Variants in SGO2 observed in about 807,000 individuals in gnomAD.
The protein encoded by SGO2 is shugoshin 2, also known as shugoshin-like 2.
Under a neutral mutation model 99.5 loss-of-function variants are expected in SGO2, and 68 were observed. The observed-to-expected ratio is 0.68, with a 90% CI of 0.56 to 0.84. The LOEUF is 0.84. Ranked by LOEUF, SGO2 falls within the 40% of genes least tolerant of loss-of-function variation. The pLI, the probability that SGO2 is intolerant of heterozygous loss-of-function variation, is 0.00. For missense variants in SGO2, 1,350 were observed against 1,436.7 expected (o/e 0.94, Z 0.97); for synonymous variants, 457 against 487.1 (o/e 0.94, Z 0.81).
chr2:200,576,833 T>C (rs553892119), intron 8 of SGO2, among the ~76,000 whole-genome samples: 9 of 152,314 alleles, frequency 5.9e-5, no homozygotes, highest in African/African-American at 2.2e-4. Flanking sequence ...TCACCCAGCA[T>C]GTTTTAAAGT....
In SGO2 at chr2:200,532,281, T is replaced by TG. The variant is rs1256428662; in HGVS notation, c.-2-693_-2-692insG. The TG allele has an allele frequency of 3.7e-5, 15 of 410,526 alleles. No individual in the cohort carries two copies. The African/African-American group carries it at 3.7e-4, about 10-fold the overall frequency. 25.4% of individuals were successfully genotyped at this position (410,526 alleles called of 1,614,324 possible). A position where few individuals can be genotyped will look rare whatever the true frequency, so the allele number is the denominator to read the frequency against. On this transcript the variant is annotated intron_variant, in intron 1 of 8. Transcript: ENST00000357799. ...GGTGACAGAGTTTTTTGTTTTTTTT[T>TG]TTGTTTTTTTTTTTTTTTCAGATCT...
At chr2:200,558,546 T>A (rs1246953976) in intron 5 of SGO2, among the ~76,000 whole-genome samples, 2 of 152,096 alleles carry the variant, frequency 1.3e-5, no homozygotes, top group Non-Finnish European at 2.9e-5. Context: ...AAAATTGTAA[T>A]TGCTAATTTT....
chr2:200,581,844 C>T (rs1490919221), intron 8 of SGO2, among the ~76,000 whole-genome samples: 6 of 152,170 alleles, frequency 3.9e-5, no homozygotes, highest in Non-Finnish European at 8.8e-5. Flanking sequence ...TTCCTTACAG[C>T]ATTTTGCTGT....
chr2:200,575,465 A>C lies in SGO2; in HGVS notation c.3782+4A>C. The C allele has an allele frequency of 6.5e-7, 1 of 1,544,874 alleles. No homozygotes were observed. Among genetic ancestry groups the C allele is most frequent in the Non-Finnish European group, 8.8e-7 (1 of 1,140,470 alleles). On this transcript the variant is annotated splice_donor_region_variant and intron_variant, in intron 8 of 8. Coordinates refer to ENST00000357799, the MANE Select transcript of SGO2 (RefSeq NM_152524.6). ...TTAAAGAGCCAAGCCTCAGAGAGTA[A>C]GTATTTCAAATGATTTTAGTATGCC...
chr2:200,580,158 G>A (rs931844043), intron 8 of SGO2, among the ~76,000 whole-genome samples: 2 of 151,876 alleles, frequency 1.3e-5, no homozygotes, highest in Admixed American at 1.3e-4. Context: ...TTTGTTATTT[G>A]TATTTCCACA....
At chr2:200,535,988 G>T in intron 3 of SGO2, 77 bp from the exon 4 acceptor site, 3 of 856,704 alleles carry the variant, frequency 3.5e-6, no homozygotes, top group African/African-American at 1.7e-5. Flanking sequence ...CACATGGATG[G>T]CATTCATAAA....
chr2:200,572,929 AT>A lies in SGO2; in HGVS notation c.2586del (p.Gln863LysfsTer24). 3.1e-6 allele frequency: 5 copies of A among 1,598,654 alleles called. No individual in the cohort carries two copies. Among genetic ancestry groups the A allele is most frequent in the Non-Finnish European group, 4.3e-6 (5 of 1,175,174 alleles). ...CTGAAAATCTACAAGTCACAAATGA[AT>A]TTCAAACAGTTGATCTTCTCATCAA... Reference protein sequence around the residue: ...ISENLQVTNEFQTVDLLIKDN... With the variant: ...ISENLQVTNEXQTVDLLIKDN... On this transcript the variant is annotated frameshift_variant, in exon 7 of 9. Transcript: ENST00000357799. LOFTEE classifies it high-confidence loss of function.
At position 200,535,153 on chromosome 2, in the gene SGO2, C is replaced by T. The variant is rs771131652; in HGVS notation, c.291C>T (p.Arg97=). The change falls in exon 3 of 9, where the codon CGC becomes CGT. Residue 97 remains arginine, a synonymous_variant. Transcript: ENST00000357799. ...EKLNFENTFL[R]LKLNNLNKKL... ...TGAATTTTGAGAACACATTTCTTCG[C>T]CTAAAGCTAAATAACTTGGTATGTA... The T allele has an allele frequency of 2.6e-6, 4 of 1,524,264 alleles. No homozygotes were observed. The highest frequency in any genetic ancestry group is 3.5e-6 in the Non-Finnish European group (4 of 1,147,384). 94.4% of individuals were successfully genotyped at this position (1,524,264 alleles called of 1,614,324 possible). A position where few individuals can be genotyped will look rare whatever the true frequency, so the allele number is the denominator to read the frequency against.
At chr2:200,530,928 AAGG>A (rs1272890276) in intron 1 of SGO2, among the ~76,000 whole-genome samples, 20 of 152,340 alleles carry the variant, frequency 1.3e-4, no homozygotes, top group Non-Finnish European at 2.8e-4. Context: ...CAATGTTTTC[AAGG>A]AGATTTGCTG....
chr2:200,536,189 G>T, intron 4 of SGO2, 47 bp downstream of exon 4: 1 of 1,163,936 alleles, frequency 8.6e-7, no homozygotes, highest in Non-Finnish European at 1.2e-6. Context: ...AGATTACTGA[G>T]GATCACTGAG....
At chr2:200,535,284 AAGTC>A (rs2031638298) in intron 3 of SGO2, 113 bp downstream of exon 3, 1 of 920,302 alleles carries the variant, frequency 1.1e-6, no homozygotes, top group Admixed American at 3.2e-5. Context: ...AAATTATTGA[AAGTC>A]AGTATACCAT....
At chr2:200,564,598 T>C (rs2033111002) in intron 5 of SGO2, among the ~76,000 whole-genome samples, 1 of 152,246 alleles carries the variant, frequency 6.6e-6, no homozygotes, top group Non-Finnish European at 1.5e-5. Context: ...AGAGCTGAAT[T>C]CAATTCCTGG....
At chr2:200,583,313 CAAG>C (rs758546290) in intron 8 of SGO2, 133 bp from the exon 9 acceptor site, 18 of 559,734 alleles carry the variant, frequency 3.2e-5, no homozygotes, top group Non-Finnish European at 5.5e-5. Context: ...TAGAGTATTT[CAAG>C]TATTTAACAA....
intron 4 of SGO2, among the ~76,000 whole-genome samples, chr2:200,539,549 G>A (rs557565665): frequency 6.6e-6 from 1 of 151,564 alleles, no homozygotes; most frequent in South Asian, 2.1e-4. Flanking sequence ...GTGGTTCATT[G>A]TTACTTTTCT....
chr2:200,561,642 C>T (rs2032975533), intron 5 of SGO2, among the ~76,000 whole-genome samples: 1 of 152,218 alleles, frequency 6.6e-6, no homozygotes, highest in South Asian at 2.1e-4. Context: ...ACCCTGTCTT[C>T]CACAATGGTT....
At chr2:200,551,245 G>C (rs2032472688) in intron 5 of SGO2, among the ~76,000 whole-genome samples, 1 of 152,140 alleles carries the variant, frequency 6.6e-6, no homozygotes, top group South Asian at 2.1e-4. Flanking sequence ...CCCATCAACA[G>C]ATGTGTGGAT....
Position 200,526,231 on chromosome 2 carries a change from G to C in SGO2, c.-24G>C, listed in dbSNP as rs1046836784. 2.0e-5 allele frequency: 3 copies of C among 152,384 alleles called. No homozygotes were observed. Among genetic ancestry groups the C allele is most frequent in the Non-Finnish European group, 2.9e-5 (2 of 68,176 alleles). The allele number at this position is 152,384 out of a possible 1,614,324, so 9.4% of individuals were successfully genotyped here. On this transcript the variant is annotated 5_prime_UTR_variant, in exon 1 of 9. Coordinates refer to ENST00000357799, the MANE Select transcript of SGO2 (RefSeq NM_152524.6). This position sits in a 1 kb window ranked among gnomAD's most constrained non-coding sequence, Gnocchi z 4.8. ...CGCCGAGCTCCCGGAGCTGGGTGGGGGTGCCCCACGCTGAAAGAGAGGTAA... is the reference window on the plus strand; with the variant it reads ...CGCCGAGCTCCCGGAGCTGGGTGGGCGTGCCCCACGCTGAAAGAGAGGTAA...
intron 4 of SGO2, among the ~76,000 whole-genome samples, chr2:200,538,095 G>T (rs1184354508): frequency 6.6e-6 from 1 of 151,966 alleles, no homozygotes; most frequent in Non-Finnish European, 1.5e-5. Flanking sequence ...TTTTTCTCTT[G>T]TTCCTCTATG....
intron 5 of SGO2, among the ~76,000 whole-genome samples, chr2:200,562,439 A>G (rs1041957974): frequency 2.0e-5 from 3 of 152,136 alleles, no homozygotes; most frequent in African/African-American, 4.8e-5. Context: ...TACCAGTACC[A>G]TGCTGTTTTG....
Sources: gnomAD v4.1 joint callset for allele counts (sites outside exome capture counted in the v4.1 genomes callset) on GRCh38, gnomAD v4.1.1 for gene constraint, Gnocchi (gnomAD v3.1) non-coding constraint, MANE v1.5 for transcripts, NCBI Gene and HGNC (gene_info 2026-07-23, HGNC 2026-07-21) for gene names.